The following MYO16 variants were observed in gnomAD, a reference collection of about 807,000 sequenced individuals.
The protein encoded by MYO16 is unconventional myosin-XVI.
MYO16 carries 94 observed loss-of-function variants against 205.3 expected under a neutral mutation model. The ratio of observed to expected loss-of-function variants is 0.46; its 90% CI spans 0.39 to 0.54. The LOEUF (loss-of-function observed/expected upper bound fraction) is 0.54. MYO16 is among the 20% of genes least tolerant of loss of function. The probability of loss-of-function intolerance (pLI) is 0.00; values close to 1 mark genes in which losing one functional copy is unlikely to be tolerated. For synonymous variants in MYO16, 988 were observed against 954.0 expected (o/e 1.04, Z -0.66); for missense variants, 2,315 against 2,387.5 (o/e 0.97, Z 0.63).
chr13:108,961,788 G>C lies in MYO16; in HGVS notation c.2155+132G>C, dbSNP rs78614224. ...TCCTCTATAGTAGAATTCAGTGAGG[G>C]GGGGAAATTGTCTACTTTGTTTTTT... On this transcript the variant is annotated intron_variant, in intron 18 of 34. Transcript: ENST00000457511. 0.01 allele frequency: 6,865 copies of C among 675,904 alleles called. 387 individuals carry two copies. The African/African-American group carries it at 0.11, about 11-fold the overall frequency. 41.9% of individuals were successfully genotyped at this position (675,904 alleles called of 1,614,324 possible).
At chr13:108,528,575 TCCCCTCCCCTTTCCC>T in the MYO16 span, among the ~76,000 whole-genome samples, 3 of 103,096 alleles carry the variant, frequency 2.9e-5, no homozygotes, top group African/African-American at 8.3e-5. Flanking sequence ...TCCTCTCCCC[TCCCCTCCCCTTTCCC>T]CTCCTCTCCC....
chr13:108,649,701 A>G (rs934695975), intron 1 of MYO16, among the ~76,000 whole-genome samples: 1 of 152,214 alleles, frequency 6.6e-6, no homozygotes, highest in African/African-American at 2.4e-5. Flanking sequence ...ACTTGTTTTT[A>G]AAGTCTACAT....
chr13:109,205,936 A>C (rs1046330621), intron 34 of MYO16, among the ~76,000 whole-genome samples: 2 of 152,236 alleles, frequency 1.3e-5, no homozygotes, highest in Non-Finnish European at 2.9e-5. Context: ...AGGCAGGTAG[A>C]TACACCAAAG....
chr13:108,586,767 A>G, the MYO16 span, among the ~76,000 whole-genome samples: 1 of 152,236 alleles, frequency 6.6e-6, no homozygotes, highest in African/African-American at 2.4e-5. Context: ...CTCAGAGCAG[A>G]CAACAGCTTC....
At chr13:108,968,519 G>A (rs1018086208) in intron 20 of MYO16, among the ~76,000 whole-genome samples, 4 of 152,152 alleles carry the variant, frequency 2.6e-5, no homozygotes, top group South Asian at 2.1e-4. Flanking sequence ...CCAGCTACTC[G>A]GGAGGCTGAG....
intron 2 of MYO16, among the ~76,000 whole-genome samples, chr13:108,675,400 C>G (rs1882158209): frequency 6.6e-6 from 1 of 152,110 alleles, no homozygotes; most frequent in South Asian, 2.1e-4. Flanking sequence ...TATAAAATTA[C>G]AAAAGCTTGC....
At chr13:109,082,724 A>G (rs1048500975) in intron 27 of MYO16, among the ~76,000 whole-genome samples, 3 of 152,094 alleles carry the variant, frequency 2.0e-5, no homozygotes, top group Admixed American at 1.3e-4. Flanking sequence ...AATCCCAGCT[A>G]CTTGGAAGGC....
chr13:108,664,505 G>C (rs1385618843), intron 1 of MYO16, among the ~76,000 whole-genome samples: 1 of 152,210 alleles, frequency 6.6e-6, no homozygotes, highest in East Asian at 1.9e-4. Flanking sequence ...ACAAGAAACA[G>C]AAGTGGAAAT....
intron 23 of MYO16, among the ~76,000 whole-genome samples, chr13:109,026,375 G>A (rs1886362295): frequency 1.3e-5 from 2 of 152,056 alleles, no homozygotes; most frequent in Non-Finnish European, 2.9e-5. Context: ...GACCACGGGG[G>A]GAGGTATTGA....
intron 4 of MYO16, among the ~76,000 whole-genome samples, chr13:108,776,273 G>C (rs558352749): frequency 6.6e-6 from 1 of 152,274 alleles, no homozygotes; most frequent in African/African-American, 2.4e-5. Context: ...CATGAATTGG[G>C]AAGTCAGGGG....
intron 4 of MYO16, among the ~76,000 whole-genome samples, chr13:108,731,790 T>C (rs1884531497): frequency 6.6e-6 from 1 of 152,202 alleles, no homozygotes. Context: ...CTGAGGGAAA[T>C]TACAGTTTGT....
chr13:108,712,334 G>T (rs964488878), intron 2 of MYO16, among the ~76,000 whole-genome samples: 2 of 152,184 alleles, frequency 1.3e-5, no homozygotes, highest in Non-Finnish European at 2.9e-5. Context: ...ACCTAGTGAA[G>T]TAATTTCTAT....
intron 4 of MYO16, among the ~76,000 whole-genome samples, chr13:108,783,948 C>T (rs1429542889): frequency 6.6e-6 from 1 of 152,190 alleles, no homozygotes; most frequent in African/African-American, 2.4e-5. Flanking sequence ...AGCGCCTGTA[C>T]AGTGTCAGCA....
At position 109,158,316 on chromosome 13, in the gene MYO16, G is replaced by A. The variant is rs139017841; in HGVS notation, c.5165-6585G>A. ...CATTTCTCTCTCCCCACTAAGAAAC[G>A]TCTCTCCACTCTTGCAGAGTTTTTG... On this transcript the variant is annotated intron_variant, in intron 32 of 34. Coordinates refer to ENST00000457511, the MANE Select transcript of MYO16 (RefSeq NM_001198950.3). Among the ~76,000 whole-genome samples, 736 of 152,200 alleles carry A rather than the reference G, an allele frequency of 4.8e-3. 12 individuals carry two copies. The highest frequency in any genetic ancestry group is 0.041 in the Middle Eastern group (12 of 294).
intron 2 of MYO16, among the ~76,000 whole-genome samples, chr13:108,679,613 C>T (rs1378751408): frequency 1.3e-5 from 2 of 151,722 alleles, no homozygotes; most frequent in Admixed American, 6.6e-5. Flanking sequence ...ATTGCAACTG[C>T]CCCTAAACTG....
intron 27 of MYO16, among the ~76,000 whole-genome samples, chr13:109,082,506 AGAGTAATGATGCCCTTCACTGAGAT>A: frequency 6.6e-6 from 1 of 152,330 alleles, no homozygotes; most frequent in Non-Finnish European, 1.5e-5. Context: ...GGTTACAGGA[AGAGTAATGATGCCCTTCACTGAGAT>A]AAATAATAAT....
chr13:109,100,550 T>C (rs1269901521), intron 27 of MYO16, among the ~76,000 whole-genome samples: 1 of 152,226 alleles, frequency 6.6e-6, no homozygotes, highest in Non-Finnish European at 1.5e-5. Flanking sequence ...GCTAAACATA[T>C]ATTAGAGGAC....
chr13:108,715,892 G>A (rs543507585), intron 3 of MYO16, among the ~76,000 whole-genome samples: 2 of 152,174 alleles, frequency 1.3e-5, no homozygotes, highest in South Asian at 4.1e-4. Flanking sequence ...CCACAATGGG[G>A]TATAATTAAT....
intron 23 of MYO16, among the ~76,000 whole-genome samples, chr13:109,030,839 A>G (rs1048875429): frequency 6.6e-6 from 1 of 152,152 alleles, no homozygotes; most frequent in Non-Finnish European, 1.5e-5. Context: ...GTAAAAAAGA[A>G]AATAAATAAA....
Sources: allele counts gnomAD v4.1 joint callset (sites outside exome capture counted in the v4.1 genomes callset), GRCh38; gene constraint gnomAD v4.1.1; transcripts MANE v1.5; gene names NCBI Gene and HGNC (gene_info 2026-07-23, HGNC 2026-07-21).